TEX14: variants seen among roughly 807,000 people sequenced by gnomAD.
TEX14 encodes testis expressed 14, intercellular bridge forming factor.
In TEX14, 168 loss-of-function variants were observed where a neutral mutation model predicts 178.6. The ratio of observed to expected loss-of-function variants is 0.94; its 90% CI spans 0.83 to 1.07. TEX14 has a LOEUF of 1.07. Ranked by LOEUF, TEX14 falls within the 50% of genes least tolerant of loss-of-function variation. The pLI is 0.00. For synonymous variants in TEX14, 626 were observed against 634.1 expected (o/e 0.99, Z 0.19); for missense variants, 1,730 against 1,753.6 (o/e 0.99, Z 0.24).
intron 14 of TEX14, among the ~76,000 whole-genome samples, chr17:58,596,076 G>C (rs1319238128): frequency 6.6e-6 from 1 of 152,084 alleles, no homozygotes; most frequent in South Asian, 2.1e-4. Flanking sequence ...CCAGCTACTC[G>C]GGAGGCTGAG....
At chr17:58,611,365 G>GAAA in intron 9 of TEX14, 26 bp from the exon 10 acceptor site, 3 of 1,336,242 alleles carry the variant, frequency 2.2e-6, no homozygotes, top group Non-Finnish European at 3.0e-6. Flanking sequence ...GAAATGCCAC[G>GAAA]AAAAAAAAAA....
At chr17:58,586,805 A>T (rs1320923736) in intron 17 of TEX14, among the ~76,000 whole-genome samples, 6 of 151,378 alleles carry the variant, frequency 4.0e-5, no homozygotes. Context: ...TTCTCCCCGC[A>T]TCTGCATGGG....
chr17:58,661,849 A>G (rs2047119069), intron 1 of TEX14: 1 of 428,118 alleles, frequency 2.3e-6, no homozygotes, highest in Admixed American at 4.1e-5. Flanking sequence ...TAAAGTGGGA[A>G]TAATACTGCC....
chr17:58,585,750 G>C (rs370651842), intron 18 of TEX14, 51 bp downstream of exon 18: 2 of 1,533,180 alleles, frequency 1.3e-6, no homozygotes, highest in South Asian at 2.3e-5. Flanking sequence ...CACCTCGCCC[G>C]ACTGATACTT....
At chr17:58,648,249 C>T (rs2046758599) in intron 2 of TEX14, 1 of 152,304 alleles carries the variant, frequency 6.6e-6, no homozygotes, top group South Asian at 2.1e-4. Context: ...CAAGTGCCTC[C>T]ACCACACTGT....
In TEX14 at chr17:58,613,605, G is replaced by C. The variant is rs1170716726; in HGVS notation, c.882-61C>G. On this transcript the variant is annotated intron_variant, in intron 8 of 31. Transcript: ENST00000349033. ...AGAGGAGGATATGATGAAAAAATGA[G>C]CGTAGGCCTTTTGAACACATTCTAA... is the stretch of plus-strand genomic sequence containing the variant. 6.4e-6 allele frequency: 10 copies of C among 1,561,962 alleles called. No homozygotes were observed. The Admixed American group carries it at 1.7e-4, about 26-fold the overall frequency.
intron 14 of TEX14, among the ~76,000 whole-genome samples, chr17:58,594,634 T>C (rs1198161631): frequency 1.3e-5 from 2 of 152,240 alleles, no homozygotes. Flanking sequence ...ATTACAGGCG[T>C]GAGACACCGC....
intron 2 of TEX14, among the ~76,000 whole-genome samples, chr17:58,651,392 T>C (rs1451514200): frequency 1.3e-5 from 2 of 152,236 alleles, no homozygotes; most frequent in African/African-American, 4.8e-5. Flanking sequence ...GACATGTTTG[T>C]TGGTTCTTTT....
chr17:58,569,122 G>A lies in TEX14; in HGVS notation c.3886+70C>T, dbSNP rs1009986568. The A allele has an allele frequency of 7.8e-7, 1 of 1,286,502 alleles. No homozygotes were observed. The highest frequency in any genetic ancestry group is 1.5e-5 in the African/African-American group (1 of 67,632). The allele number at this position is 1,286,502 out of a possible 1,614,324, so 79.7% of individuals were successfully genotyped here. A position where few individuals can be genotyped will look rare whatever the true frequency, so the allele number is the denominator to read the frequency against. On this transcript the variant is annotated intron_variant, in intron 26 of 31. Coordinates refer to ENST00000349033, the MANE Select transcript of TEX14 (RefSeq NM_031272.5). This position sits in a 1 kb window ranked among gnomAD's most constrained non-coding sequence, Gnocchi z 4.1. The stretch of plus-strand genomic sequence containing the variant: ...TACTAGTGTTCACACTTGAGACAAA[G>A]ACACCATACTGTGGTCAGTGACATA...
intron 19 of TEX14, chr17:58,581,668 T>C: frequency 1.2e-6 from 2 of 1,613,788 alleles, no homozygotes; most frequent in East Asian, 4.5e-5. Context: ...CGTCTGGAGT[T>C]AAAAATTCAT....
intron 19 of TEX14, chr17:58,581,741 T>C: frequency 1.9e-6 from 3 of 1,606,324 alleles, no homozygotes; most frequent in East Asian, 2.2e-5. Context: ...CTATTAATAA[T>C]GTAGGAAATC....
At chr17:58,660,553 C>T in intron 1 of TEX14, 3 of 775,350 alleles carry the variant, frequency 3.9e-6, no homozygotes, top group South Asian at 1.4e-5. Flanking sequence ...GTGCACCCTG[C>T]AGTCCTGCGG....
Position 58,574,248 on chromosome 17 carries a change from T to C in TEX14, c.3322A>G (p.Thr1108Ala). The C allele has an allele frequency of 6.2e-7, 1 of 1,611,954 alleles. No individual in the cohort carries two copies. The highest frequency in any genetic ancestry group is 1.1e-5 in the South Asian group (1 of 91,020). The change falls in exon 22 of 32, where the codon ACT becomes GCT. Residue 1108 changes from threonine (T) to alanine (A), a missense_variant and splice_region_variant. Coordinates refer to ENST00000349033, the MANE Select transcript of TEX14 (RefSeq NM_031272.5). Reference protein sequence around the residue: ...PRSQFQPVRSTEDEQEETSKE... With the variant: ...PRSQFQPVRSAEDEQEETSKE... The stretch of plus-strand genomic sequence containing the variant: ...GATGTCTCTTCTTGTTCATCTTCAG[T>C]ACTGTGAGAAAGAAAGTAAGAAAAT...
chr17:58,669,361 CA>C (rs576741561), intron 1 of TEX14, among the ~76,000 whole-genome samples: 35 of 135,712 alleles, frequency 2.6e-4, no homozygotes, highest in Admixed American at 5.2e-4. Flanking sequence ...CAAAAACAAA[CA>C]AAAAAAAAAA....
chr17:58,632,955 T>A (rs952709967), intron 2 of TEX14, among the ~76,000 whole-genome samples: 1 of 152,276 alleles, frequency 6.6e-6, no homozygotes, highest in South Asian at 2.1e-4. Flanking sequence ...CTTCCGCTGT[T>A]CTTCGTGCCT....
intron 28 of TEX14, among the ~76,000 whole-genome samples, chr17:58,562,084 C>CA (rs528561318): frequency 1.0e-4 from 15 of 149,692 alleles, no homozygotes; most frequent in Admixed American, 5.3e-4. Flanking sequence ...GACTCTGTCT[C>CA]AAAAAAAAAG....
At position 58,585,896 on chromosome 17, in the gene TEX14, T is replaced by A. The variant is rs371961156; in HGVS notation, c.2975A>T (p.Asp992Val). 8.1e-6 allele frequency: 13 copies of A among 1,613,952 alleles called. No individual in the cohort carries two copies. The highest frequency in any genetic ancestry group is 1.1e-5 in the Non-Finnish European group (13 of 1,180,024). The change falls in exon 18 of 32, where the codon GAT (aspartate) becomes GTT (valine). Residue 992 changes from aspartate (D) to valine (V), a missense_variant. Transcript: ENST00000349033. Reference sequence around the variant, plus strand: ...AAACTTGCCATTTCCTCTGGGCTCATCATTTTCCCTATGATACTCAATAAC... The same window carrying A: ...AAACTTGCCATTTCCTCTGGGCTCAACATTTTCCCTATGATACTCAATAAC... The part of the protein sequence containing the change: ...QRVIEYHREN[D>V]EPRGNGKFDK...
chr17:58,609,598 C>T (rs2045698227), intron 10 of TEX14, among the ~76,000 whole-genome samples: 2 of 152,136 alleles, frequency 1.3e-5, no homozygotes, highest in Non-Finnish European at 1.5e-5. Context: ...TTCAAAAATG[C>T]CTATCCTAAG....
rs549318884 is a variant in TEX14 at position 58,655,327 on chromosome 17, G to A, written c.-1-3325C>T. Among the ~76,000 whole-genome samples, 73 of 152,066 alleles carry A rather than the reference G, an allele frequency of 4.8e-4. 4 individuals carry two copies. The South Asian group carries it at 0.015, about 31-fold the overall frequency. On this transcript the variant is annotated intron_variant, in intron 1 of 31. Transcript: ENST00000349033. ...GCCTCCCGAGTAGCTAGGCCTACAGGCACGCACCACAATGCCCAGCTAATT... is the reference window on the plus strand; with the variant it reads ...GCCTCCCGAGTAGCTAGGCCTACAGACACGCACCACAATGCCCAGCTAATT...
Sources: gnomAD v4.1 joint callset for allele counts (sites outside exome capture counted in the v4.1 genomes callset) on GRCh38, gnomAD v4.1.1 for gene constraint, Gnocchi (gnomAD v3.1) non-coding constraint, MANE v1.5 for transcripts, NCBI Gene and HGNC (gene_info 2026-07-23, HGNC 2026-07-21) for gene names.